POLR3B: variants seen among roughly 807,000 people sequenced by gnomAD.
POLR3B encodes DNA-directed RNA polymerase III subunit RPC2.
In POLR3B, 96 loss-of-function variants were observed where a neutral mutation model predicts 147.4. The ratio of observed to expected loss-of-function variants is 0.65; its 90% CI spans 0.55 to 0.77. The LOEUF is 0.77. Ranked by LOEUF, POLR3B falls within the 30% of genes least tolerant of loss-of-function variation. POLR3B has a pLI of 0.00. For synonymous variants in POLR3B, 461 were observed against 485.9 expected, an observed-to-expected ratio of 0.95 and a Z score of 0.67; for missense variants, 1,036 against 1,413.5, an observed-to-expected ratio of 0.73 and a Z score of 4.28.
chr12:106,376,275 T>G (rs2036677289), intron 6 of POLR3B, 84 bp from the exon 7 acceptor site: 13 of 842,898 alleles, frequency 1.5e-5, no homozygotes, highest in South Asian at 1.3e-4. Flanking sequence ...AGTGAGGTGG[T>G]GTGCACTGCA....
chr12:106,421,735 T>G (rs2037376593), intron 12 of POLR3B, among the ~76,000 whole-genome samples: 1 of 152,108 alleles, frequency 6.6e-6, no homozygotes, highest in South Asian at 2.1e-4. Context: ...AGTCTGGCTC[T>G]ATCGCCCAGG....
intron 9 of POLR3B, among the ~76,000 whole-genome samples, chr12:106,383,368 G>A (rs1433015267): frequency 6.6e-6 from 1 of 152,144 alleles, no homozygotes; most frequent in African/African-American, 2.4e-5. Flanking sequence ...TGGTGCAGGA[G>A]GCCTAGCTTT....
intron 6 of POLR3B, among the ~76,000 whole-genome samples, chr12:106,375,465 GCTCT>G (rs1160689931): frequency 1.3e-5 from 2 of 151,944 alleles, no homozygotes; most frequent in Non-Finnish European, 2.9e-5. Context: ...TTGATTAGTC[GCTCT>G]CTCTCTATCC....
chr12:106,429,214 G>C (rs2037476245), intron 13 of POLR3B, among the ~76,000 whole-genome samples: 1 of 152,126 alleles, frequency 6.6e-6, no homozygotes, highest in South Asian at 2.1e-4. Context: ...GTACAGTGGT[G>C]CAATCTCAGC....
intron 2 of POLR3B, 23 bp from the exon 3 acceptor site, chr12:106,366,493 A>G (rs2036537275): frequency 6.4e-7 from 1 of 1,564,768 alleles, no homozygotes; most frequent in African/African-American, 1.3e-5. Context: ...TAACCTGTTT[A>G]CTTTCTCTTT....
At chr12:106,437,660 C>G (rs908941092) in intron 17 of POLR3B, 21 bp from the exon 18 acceptor site, 1 of 1,396,968 alleles carries the variant, frequency 7.2e-7, no homozygotes, top group Non-Finnish European at 1.0e-6. Context: ...AATGATGTCT[C>G]TTTCACCAAT....
chr12:106,505,960 A>C (rs991626093), intron 27 of POLR3B, among the ~76,000 whole-genome samples: 3 of 152,184 alleles, frequency 2.0e-5, no homozygotes, highest in African/African-American at 7.2e-5. Context: ...CAGTTATTTC[A>C]TGATTTTGGT....
intron 14 of POLR3B, 21 bp from the exon 15 acceptor site, chr12:106,432,297 T>C: frequency 6.2e-7 from 1 of 1,610,088 alleles, no homozygotes; most frequent in Non-Finnish European, 8.5e-7. Context: ...TTCTTAGAAA[T>C]GACCATCTTT....
In POLR3B at chr12:106,432,394, T is replaced by G; in HGVS notation, c.1541T>G (p.Leu514Ter). 1.9e-6 allele frequency: 3 copies of G among 1,613,430 alleles called. No individual in the cohort carries two copies. The highest frequency in any genetic ancestry group is 2.5e-6 in the Non-Finnish European group (3 of 1,179,370). The change falls in exon 15 of 28, where the codon TTA (leucine) becomes TGA (stop). Residue 514 changes from leucine to a stop codon, truncating the protein, a stop_gained. Coordinates refer to ENST00000228347, the MANE Select transcript of POLR3B (RefSeq NM_018082.6). LOFTEE classifies it high-confidence loss of function. ...TDMEDGPIVK[L>*]ASNLGVEDVN... ...ATGGAAGATGGACCCATTGTTAAAT[T>G]AGCCAGTAACTTGGGAGTAGAAGAT...
At chr12:106,468,304 TTATCATTTTTTATTGCATC>T (rs1287727559) in intron 23 of POLR3B, among the ~76,000 whole-genome samples, 1 of 152,182 alleles carries the variant, frequency 6.6e-6, no homozygotes, top group Non-Finnish European at 1.5e-5. Flanking sequence ...GATGTCCCCT[TTATCATTTTTTATTGCATC>T]TATTTGATTC....
At chr12:106,393,767 TACAC>T (rs34402190) in intron 10 of POLR3B, among the ~76,000 whole-genome samples, 4,816 of 127,852 alleles carry the variant, frequency 0.038, 199 homozygotes, top group African/African-American at 0.11. Flanking sequence ...GACTGAGAAA[TACAC>T]ACACACACAC....
chr12:106,481,749 C>T (rs1565910762), intron 23 of POLR3B, among the ~76,000 whole-genome samples: 1 of 152,170 alleles, frequency 6.6e-6, no homozygotes, highest in African/African-American at 2.4e-5. Flanking sequence ...TGTGTTTCAT[C>T]TGTCATGTTT....
At chr12:106,376,278 G>A (rs897531391) in intron 6 of POLR3B, 81 bp from the exon 7 acceptor site, 4 of 868,112 alleles carry the variant, frequency 4.6e-6, no homozygotes, top group Admixed American at 1.7e-5. Flanking sequence ...GAGGTGGTGT[G>A]CACTGCATGT....
intron 12 of POLR3B, among the ~76,000 whole-genome samples, chr12:106,414,516 C>A (rs1479127666): frequency 1.3e-5 from 2 of 152,122 alleles, no homozygotes; most frequent in African/African-American, 4.8e-5. Flanking sequence ...AAGTTCACAT[C>A]CTTCATCTTG....
intron 25 of POLR3B, among the ~76,000 whole-genome samples, chr12:106,497,294 T>A (rs2038509368): frequency 6.6e-6 from 1 of 151,834 alleles, no homozygotes; most frequent in South Asian, 2.1e-4. Context: ...TTAAGCTTTA[T>A]TTTTTTAAGA....
chr12:106,471,428 G>A (rs1206758040), intron 23 of POLR3B, among the ~76,000 whole-genome samples: 1 of 152,122 alleles, frequency 6.6e-6, no homozygotes, highest in Admixed American at 6.5e-5. Context: ...TCCCAGGTGA[G>A]GTGACAACCT....
At chr12:106,505,228 C>T (rs564063931) in intron 27 of POLR3B, among the ~76,000 whole-genome samples, 2 of 152,266 alleles carry the variant, frequency 1.3e-5, no homozygotes, top group South Asian at 4.1e-4. Context: ...ATTCCTAAAA[C>T]ACTCCTGTAG....
intron 12 of POLR3B, among the ~76,000 whole-genome samples, chr12:106,424,795 A>G (rs915806446): frequency 3.3e-5 from 5 of 152,160 alleles, no homozygotes; most frequent in African/African-American, 1.2e-4. Context: ...AAAGCCTGCA[A>G]GCTTTTTCAT....
chr12:106,393,797 CA>C lies in POLR3B; in HGVS notation c.846+645del, dbSNP rs1157718578. ...ACACACACACACACACACACACACA[CA>C]CACACACCCCATAGTAAAAATAATT... is the stretch of plus-strand genomic sequence containing the variant. On this transcript the variant is annotated intron_variant, in intron 10 of 27. Coordinates refer to ENST00000228347, the MANE Select transcript of POLR3B (RefSeq NM_018082.6). Among the ~76,000 whole-genome samples, 701 of 151,834 alleles carry C rather than the reference CA, an allele frequency of 4.6e-3. 2 individuals are homozygous for C. Among genetic ancestry groups the C allele is most frequent in the African/African-American group, 0.016 (660 of 41,422 alleles).
Sources: gnomAD v4.1 joint callset for allele counts (sites outside exome capture counted in the v4.1 genomes callset) on GRCh38, gnomAD v4.1.1 for gene constraint, MANE v1.5 for transcripts, NCBI Gene and HGNC (gene_info 2026-07-23, HGNC 2026-07-21) for gene names.